PDE1C: variants seen among roughly 807,000 people sequenced by gnomAD.
The protein encoded by PDE1C is dual specificity calcium/calmodulin-dependent 3',5'-cyclic nucleotide phosphodiesterase 1C.
PDE1C carries 62 observed loss-of-function variants against 93.1 expected under a neutral mutation model. The observed-to-expected ratio is 0.67, with a 90% CI of 0.54 to 0.82. The LOEUF (loss-of-function observed/expected upper bound fraction) is 0.82. Ranked by LOEUF, PDE1C falls within the 40% of genes least tolerant of loss-of-function variation. The probability of loss-of-function intolerance (pLI) is 0.00; values close to 1 mark genes in which losing one functional copy is unlikely to be tolerated. For missense variants in PDE1C, 742 were observed against 884.6 expected, an observed-to-expected ratio of 0.84 and a Z score of 2.04; for synonymous variants, 325 against 310.1, an observed-to-expected ratio of 1.05 and a Z score of -0.50.
chr7:31,894,115 A>G (rs2128905868), intron 2 of PDE1C, among the ~76,000 whole-genome samples: 1 of 152,360 alleles, frequency 6.6e-6, no homozygotes, highest in South Asian at 2.1e-4. Flanking sequence ...TCTCTCTTAA[A>G]GTAAAAAGAG....
At chr7:32,282,244 A>G (rs549668503) in intron 1 of PDE1C, among the ~76,000 whole-genome samples, 2 of 152,122 alleles carry the variant, frequency 1.3e-5, no homozygotes, top group East Asian at 3.9e-4. Flanking sequence ...TGGGAGACAG[A>G]GGCAGGCAGA....
chr7:31,839,831 G>A (rs1478554423), intron 9 of PDE1C, among the ~76,000 whole-genome samples: 1 of 152,178 alleles, frequency 6.6e-6, no homozygotes, highest in Non-Finnish European at 1.5e-5. Context: ...GAGGTCAGGA[G>A]TTCGAGACTA....
chr7:32,028,172 T>C (rs1401924016), intron 2 of PDE1C, among the ~76,000 whole-genome samples: 6 of 152,158 alleles, frequency 3.9e-5, no homozygotes. Flanking sequence ...ATTTAACTAA[T>C]AGACTCAATT....
intron 2 of PDE1C, among the ~76,000 whole-genome samples, chr7:31,964,288 A>C (rs1809527110): frequency 6.6e-6 from 1 of 152,208 alleles, no homozygotes; most frequent in African/African-American, 2.4e-5. Flanking sequence ...GGGCTTAACA[A>C]ACGGCACACC....
At chr7:31,892,431 G>A (rs1316494708) in intron 2 of PDE1C, among the ~76,000 whole-genome samples, 3 of 152,182 alleles carry the variant, frequency 2.0e-5, no homozygotes, top group Non-Finnish European at 4.4e-5. Flanking sequence ...GAATCCCAGT[G>A]ACTTTACTAA....
At chr7:31,864,805 GA>G in intron 7 of PDE1C, 136 bp downstream of exon 7, 1 of 815,450 alleles carries the variant, frequency 1.2e-6, no homozygotes. Flanking sequence ...ATATTGGTTA[GA>G]TTACTCCTGG....
chr7:32,018,509 T>C (rs555325627), intron 2 of PDE1C, among the ~76,000 whole-genome samples: 11 of 152,166 alleles, frequency 7.2e-5, no homozygotes, highest in Non-Finnish European at 1.0e-4. Flanking sequence ...AGAACTGATA[T>C]GTACTACAAC....
In PDE1C at chr7:32,077,005, GGC is replaced by G. The variant is rs1234407723; in HGVS notation, c.308+92778_308+92779del. On this transcript the variant is annotated intron_variant, in intron 3 of 18. Transcript: ENST00000396193. ...TAATCCCAGTACTTTTGGAGGCCGAGGCAGGCAGATTGCCTGAGGTCAAGAGT... is the reference window on the plus strand; with the variant it reads ...TAATCCCAGTACTTTTGGAGGCCGAGAGGCAGATTGCCTGAGGTCAAGAGT... Among the ~76,000 whole-genome samples, 67 of 151,774 alleles carry G rather than the reference GGC, an allele frequency of 4.4e-4. 2 individuals are homozygous for G. Among genetic ancestry groups the G allele is most frequent in the African/African-American group, 1.5e-3 (62 of 41,390 alleles).
At position 32,297,531 on chromosome 7, in the gene PDE1C, G is replaced by A. The variant is rs151159194; in HGVS notation, c.85+1120C>T. Among the ~76,000 whole-genome samples, 373 of 152,194 alleles carry A rather than the reference G, an allele frequency of 2.5e-3. 2 individuals are homozygous for A. The highest frequency in any genetic ancestry group is 8.5e-3 in the African/African-American group (354 of 41,530). On this transcript the variant is annotated intron_variant, in intron 1 of 18. Transcript: ENST00000396193. Reference sequence around the variant, plus strand: ...TCTACTCACCTCCAAGGAAGATGTGGAGGCAATCCCTCACAAGTAGTTTCA... The same window carrying A: ...TCTACTCACCTCCAAGGAAGATGTGAAGGCAATCCCTCACAAGTAGTTTCA...
intron 1 of PDE1C, among the ~76,000 whole-genome samples, chr7:32,068,838 G>A (rs1303681941): frequency 6.6e-6 from 1 of 152,132 alleles, no homozygotes; most frequent in South Asian, 2.1e-4. Context: ...GCTCGACAAC[G>A]CTTTCACATT....
intron 3 of PDE1C, among the ~76,000 whole-genome samples, chr7:32,155,904 T>C (rs1044539319): frequency 2.0e-5 from 3 of 152,170 alleles, no homozygotes; most frequent in African/African-American, 7.2e-5. Flanking sequence ...CAATGGTGTC[T>C]GGCACAGCCA....
At chr7:31,874,491 G>A (rs534338252) in intron 5 of PDE1C, among the ~76,000 whole-genome samples, 10 of 152,160 alleles carry the variant, frequency 6.6e-5, no homozygotes, top group Non-Finnish European at 1.3e-4. Flanking sequence ...TGGTTCTCAT[G>A]AGTGACTCTC....
At chr7:32,395,833 G>A (rs1316708709) in intron 1 of PDE1C, among the ~76,000 whole-genome samples, 1 of 150,674 alleles carries the variant, frequency 6.6e-6, no homozygotes, top group East Asian at 2.0e-4. Flanking sequence ...ACCTTTATGA[G>A]GAAAACTTTA....
chr7:31,837,150 A>G, intron 11 of PDE1C, 30 bp downstream of exon 11: 4 of 1,603,708 alleles, frequency 2.5e-6, no homozygotes, highest in Non-Finnish European at 3.4e-6. Context: ...CAATGATGAC[A>G]GTCCTGATGG....
At chr7:31,813,973 C>T (rs1413180477) in intron 15 of PDE1C, among the ~76,000 whole-genome samples, 1 of 152,012 alleles carries the variant, frequency 6.6e-6, no homozygotes, top group Non-Finnish European at 1.5e-5. Flanking sequence ...CAGGTTGCTG[C>T]AAATGCCATT....
At chr7:32,036,607 A>C (rs1337057112) in intron 2 of PDE1C, among the ~76,000 whole-genome samples, 1 of 152,202 alleles carries the variant, frequency 6.6e-6, no homozygotes, top group Non-Finnish European at 1.5e-5. Context: ...GGCACAAATT[A>C]CTAATGTCCC....
intron 1 of PDE1C, among the ~76,000 whole-genome samples, chr7:32,244,371 C>G (rs554846795): frequency 6.6e-6 from 1 of 152,346 alleles, no homozygotes; most frequent in East Asian, 1.9e-4. Flanking sequence ...CAAAATCACA[C>G]ATGAAAGCTG....
At chr7:32,102,600 G>A (rs928180968) in intron 3 of PDE1C, among the ~76,000 whole-genome samples, 1 of 152,212 alleles carries the variant, frequency 6.6e-6, no homozygotes, top group Admixed American at 6.5e-5. Flanking sequence ...TCTAGGAAGA[G>A]GCAATTGTCC....
chr7:31,762,833 G>T (rs963150401), intron 17 of PDE1C, among the ~76,000 whole-genome samples: 4 of 152,248 alleles, frequency 2.6e-5, no homozygotes, highest in African/African-American at 9.6e-5. Context: ...CCACTAGTAT[G>T]GTATGGAAAG....
Sources: gnomAD v4.1 joint callset for allele counts (sites outside exome capture counted in the v4.1 genomes callset) on GRCh38, gnomAD v4.1.1 for gene constraint, MANE v1.5 for transcripts, NCBI Gene and HGNC (gene_info 2026-07-23, HGNC 2026-07-21) for gene names.